The following CTTNBP2NL variants were observed in gnomAD, a reference collection of about 807,000 sequenced individuals.
CTTNBP2NL encodes the protein CTTNBP2 N-terminal like.
A neutral mutation model predicts 32.5 loss-of-function variants in CTTNBP2NL; 16 were observed. The observed-to-expected ratio is 0.49, with a 90% CI of 0.33 to 0.75. The LOEUF is 0.75. CTTNBP2NL is among the 30% of genes least tolerant of loss of function. CTTNBP2NL has a pLI of 0.02. For synonymous variants in CTTNBP2NL, 298 were observed against 289.4 expected (o/e 1.03, Z -0.30); for missense variants, 645 against 756.0 (o/e 0.85, Z 1.72).
At chr1:112,430,372 T>G (rs1183662116) in intron 3 of CTTNBP2NL, among the ~76,000 whole-genome samples, 1 of 150,986 alleles carries the variant, frequency 6.6e-6, no homozygotes, top group Admixed American at 6.6e-5. Context: ...ACTATAGGCT[T>G]GCACCACGAC....
intron 3 of CTTNBP2NL, among the ~76,000 whole-genome samples, chr1:112,448,335 C>G (rs1650116110): frequency 6.6e-6 from 1 of 152,200 alleles, no homozygotes; most frequent in Non-Finnish European, 1.5e-5. Flanking sequence ...ATGTACAGGT[C>G]ACAAGTAGTC....
intron 4 of CTTNBP2NL, among the ~76,000 whole-genome samples, chr1:112,452,052 G>C (rs1395212544): frequency 6.6e-6 from 1 of 151,998 alleles, no homozygotes; most frequent in South Asian, 2.1e-4. Context: ...TGTAATTTTT[G>C]AGGACTCCCA....
chr1:112,391,862 G>A (rs371567594), upstream of CTTNBP2NL, among the ~76,000 whole-genome samples: 13 of 152,182 alleles, frequency 8.5e-5, no homozygotes, highest in Middle Eastern at 3.4e-3. Context: ...GTAGTGGTGC[G>A]CGCCTGTAAT....
intron 3 of CTTNBP2NL, among the ~76,000 whole-genome samples, chr1:112,447,289 A>G (rs1017770163): frequency 7.3e-5 from 11 of 151,132 alleles, no homozygotes; most frequent in African/African-American, 2.7e-4. Context: ...AAAAAAAAAA[A>G]AAAAAAAAGT....
At position 112,454,705 on chromosome 1, in the gene CTTNBP2NL, G is replaced by A. The variant is rs58288412; in HGVS notation, c.438+149G>A. 5.7e-4 allele frequency: 370 copies of A among 653,152 alleles called. 1 individual carries two copies. Among genetic ancestry groups the A allele is most frequent in the African/African-American group, 4.9e-3 (270 of 55,420 alleles). 40.5% of individuals were successfully genotyped at this position (653,152 alleles called of 1,614,324 possible). A position where few individuals can be genotyped will look rare whatever the true frequency, so the allele number is the denominator to read the frequency against. ...CTACTGGATTAAGCAAAGTTAAACA[G>A]GTTTCTAACTTTGTTAGGATCTTTA... On this transcript the variant is annotated intron_variant, in intron 5 of 5. Transcript: ENST00000271277.
intron 3 of CTTNBP2NL, among the ~76,000 whole-genome samples, chr1:112,442,871 A>T (rs1649936071): frequency 1.3e-5 from 2 of 152,048 alleles, no homozygotes; most frequent in South Asian, 4.2e-4. Context: ...TTGTATTTTT[A>T]GTAGAGACGG....
rs569994350 is a variant in CTTNBP2NL at position 112,399,003 on chromosome 1, C to T, written c.-134+2731C>T. Among the ~76,000 whole-genome samples the T allele has an allele frequency of 1.3e-3, 191 of 152,036 alleles. 2 individuals are homozygous for T. Among genetic ancestry groups the T allele is most frequent in the Non-Finnish European group, 2.4e-3 (161 of 67,990 alleles). On this transcript the variant is annotated intron_variant, in intron 1 of 5. Coordinates refer to ENST00000271277, the MANE Select transcript of CTTNBP2NL (RefSeq NM_018704.3). Reference sequence around the variant, plus strand: ...TGAATTTAGGAGAGATCACTAGGGACTGATTGCTGATTTTTGTTCAAGAAT... The same window carrying T: ...TGAATTTAGGAGAGATCACTAGGGATTGATTGCTGATTTTTGTTCAAGAAT...
At chr1:112,453,151 A>G (rs2101033511) in intron 4 of CTTNBP2NL, among the ~76,000 whole-genome samples, 1 of 151,564 alleles carries the variant, frequency 6.6e-6, no homozygotes, top group East Asian at 2.0e-4. Flanking sequence ...GGAGAGGGAG[A>G]GGGAGAAATA....
chr1:112,413,905 G>T (rs1437627365), intron 2 of CTTNBP2NL, among the ~76,000 whole-genome samples: 2 of 151,414 alleles, frequency 1.3e-5, no homozygotes, highest in African/African-American at 4.9e-5. Context: ...AAAATTAGCT[G>T]GGCATGATGG....
intron 1 of CTTNBP2NL, among the ~76,000 whole-genome samples, chr1:112,400,988 A>G (rs1202839550): frequency 2.0e-5 from 3 of 150,020 alleles, no homozygotes; most frequent in East Asian, 3.9e-4. Flanking sequence ...AAAAAAAAAA[A>G]AAGGATTACA....
At position 112,405,478 on chromosome 1, in the gene CTTNBP2NL, A is replaced by G. The variant is rs1348190516; in HGVS notation, c.-133-6716A>G. Among the ~76,000 whole-genome samples, 3 of 152,202 alleles carry G rather than the reference A, an allele frequency of 2.0e-5. No homozygotes were observed. The East Asian group carries it at 5.8e-4, about 30-fold the overall frequency. On this transcript the variant is annotated intron_variant, in intron 1 of 5. Transcript: ENST00000271277. ...ATGCCCGGCTAATTTTTGTATTTTT[A>G]GTAGAGATGGGGTTTCACCATGTTG...
intron 3 of CTTNBP2NL, among the ~76,000 whole-genome samples, chr1:112,447,131 G>A (rs1039620654): frequency 4.6e-5 from 7 of 151,726 alleles, no homozygotes; most frequent in Admixed American, 1.3e-4. Flanking sequence ...AAAATTAGCC[G>A]GGCGTGGTGG....
At chr1:112,393,112 C>A (rs181957225), upstream of CTTNBP2NL, among the ~76,000 whole-genome samples, 317 of 152,256 alleles carry the variant, frequency 2.1e-3, no homozygotes, top group African/African-American at 7.3e-3. Context: ...CCCACCTCAG[C>A]CTCCCAAAGT....
chr1:112,403,169 C>T (rs1467551333), intron 1 of CTTNBP2NL, among the ~76,000 whole-genome samples: 1 of 152,144 alleles, frequency 6.6e-6, no homozygotes, highest in African/African-American at 2.4e-5. Flanking sequence ...TACATTTTTG[C>T]CTCATACCTA....
intron 3 of CTTNBP2NL, among the ~76,000 whole-genome samples, chr1:112,438,829 A>G (rs1394848624): frequency 2.0e-5 from 3 of 152,212 alleles, no homozygotes; most frequent in Non-Finnish European, 1.5e-5. Flanking sequence ...AGTGATGACC[A>G]TTGCCAGGTT....
rs748393635 is a variant in CTTNBP2NL at position 112,399,765 on chromosome 1, A to AT, written c.-134+3497dup. On this transcript the variant is annotated intron_variant, in intron 1 of 5. Transcript: ENST00000271277. ...CTTATTAGCATGTTTTCTAAAGGCC[A>AT]TTTTAAAATTTCTGAATATTTGGCC... is the stretch of plus-strand genomic sequence containing the variant. Among the ~76,000 whole-genome samples, 155 of 152,290 alleles carry AT rather than the reference A, an allele frequency of 1.0e-3. 2 individuals carry two copies. Among genetic ancestry groups the AT allele is most frequent in the Non-Finnish European group, 1.7e-3 (116 of 68,016 alleles).
At chr1:112,444,699 TAATATCATTTA>T (rs1649986880) in intron 3 of CTTNBP2NL, among the ~76,000 whole-genome samples, 1 of 152,234 alleles carries the variant, frequency 6.6e-6, no homozygotes, top group South Asian at 2.1e-4. Flanking sequence ...CTCCAAACTC[TAATATCATTTA>T]AAATTTCTTA....
chr1:112,437,189 C>T (rs936002533), intron 3 of CTTNBP2NL, among the ~76,000 whole-genome samples: 4 of 152,114 alleles, frequency 2.6e-5, no homozygotes, highest in African/African-American at 9.7e-5. Flanking sequence ...GTTTTTAGGT[C>T]TTTGAGGAAT....
intron 1 of CTTNBP2NL, among the ~76,000 whole-genome samples, chr1:112,398,485 G>A (rs2492507): frequency 0.47 from 71,086 of 151,940 alleles, 18,406 homozygotes; most frequent in African/African-American, 0.7. Flanking sequence ...CTTAGTTTGA[G>A]GCTGTCACCT....
Sources: allele counts gnomAD v4.1 joint callset (sites outside exome capture counted in the v4.1 genomes callset), GRCh38; gene constraint gnomAD v4.1.1; transcripts MANE v1.5; gene names NCBI Gene and HGNC (gene_info 2026-07-23, HGNC 2026-07-21).